Variants in DPYD observed in about 807,000 individuals in gnomAD.
DPYD encodes dihydropyrimidine dehydrogenase.
In DPYD, 109 loss-of-function variants were observed where a neutral mutation model predicts 116.2. The observed-to-expected ratio is 0.94, with a 90% confidence interval of 0.80 to 1.10. The LOEUF (loss-of-function observed/expected upper bound fraction) is 1.10, where lower values mean the gene tolerates loss of function less well. Among genes scored for constraint, DPYD ranks in the 50% least tolerant of loss-of-function variants. DPYD has a pLI of 0.00. For synonymous variants in DPYD, 440 were observed against 432.0 expected (o/e 1.02, Z -0.23); for missense variants, 1,302 against 1,254.5 (o/e 1.04, Z -0.57).
intron 3 of DPYD, among the ~76,000 whole-genome samples, chr1:97,819,815 A>G (rs1450488931): frequency 1.3e-5 from 2 of 152,056 alleles, no homozygotes; most frequent in East Asian, 3.9e-4. Flanking sequence ...AAGGCAAGGG[A>G]AGTCCAAACT....
intron 19 of DPYD, among the ~76,000 whole-genome samples, chr1:97,231,579 GC>G (rs1347619756): frequency 6.6e-6 from 1 of 152,032 alleles, no homozygotes; most frequent in Non-Finnish European, 1.5e-5. Context: ...GGAAAGACCT[GC>G]CCCCATGATT....
At chr1:97,286,704 G>C (rs1665711158) in intron 18 of DPYD, among the ~76,000 whole-genome samples, 1 of 152,044 alleles carries the variant, frequency 6.6e-6, no homozygotes, top group Admixed American at 6.5e-5. Flanking sequence ...TCTTCCAGTT[G>C]ATCGCATCGG....
intron 13 of DPYD, among the ~76,000 whole-genome samples, chr1:97,498,706 G>T (rs901094829): frequency 4.0e-5 from 6 of 151,496 alleles, no homozygotes; most frequent in Non-Finnish European, 5.9e-5. Flanking sequence ...ATACAAAGTG[G>T]TGTCATGACT....
chr1:97,503,157 A>G (rs1679691066), intron 13 of DPYD, among the ~76,000 whole-genome samples: 1 of 147,874 alleles, frequency 6.8e-6, no homozygotes, highest in South Asian at 2.1e-4. Context: ...ACTTAATAAG[A>G]TAATATTTGT....
intron 8 of DPYD, among the ~76,000 whole-genome samples, chr1:97,624,728 C>T (rs890258038): frequency 2.0e-5 from 3 of 151,878 alleles, no homozygotes; most frequent in African/African-American, 7.3e-5. Flanking sequence ...TATCTATCAA[C>T]AGATAAATGG....
chr1:97,855,061 A>G (rs545483973), intron 2 of DPYD: 4 of 152,194 alleles, frequency 2.6e-5, no homozygotes, highest in African/African-American at 9.7e-5. Context: ...GATGTGAAGG[A>G]GGTGGGAAAG....
intron 21 of DPYD, among the ~76,000 whole-genome samples, chr1:97,095,562 G>A (rs1490673406): frequency 6.6e-6 from 1 of 151,262 alleles, no homozygotes; most frequent in Non-Finnish European, 1.5e-5. Context: ...GCAAACAAAC[G>A]GCAAAAATCA....
intron 8 of DPYD, among the ~76,000 whole-genome samples, chr1:97,645,556 A>G (rs545063937): frequency 6.6e-6 from 1 of 152,058 alleles, no homozygotes; most frequent in East Asian, 1.9e-4. Flanking sequence ...CTCTGTATGC[A>G]TTTGTGTCTG....
At chr1:97,521,183 T>C (rs1255285055) in intron 12 of DPYD, among the ~76,000 whole-genome samples, 2 of 152,190 alleles carry the variant, frequency 1.3e-5, no homozygotes, top group African/African-American at 4.8e-5. Context: ...TGGCGTGAGA[T>C]GGTATCTCAT....
intron 8 of DPYD, among the ~76,000 whole-genome samples, chr1:97,616,759 T>C (rs1377961543): frequency 6.6e-6 from 1 of 152,218 alleles, no homozygotes; most frequent in Non-Finnish European, 1.5e-5. Flanking sequence ...ACAGCAATTA[T>C]AATTTTTAAT....
chr1:97,420,335 C>G (rs1016116218), intron 14 of DPYD, among the ~76,000 whole-genome samples: 4 of 152,050 alleles, frequency 2.6e-5, no homozygotes, highest in Non-Finnish European at 5.9e-5. Flanking sequence ...GAGAACACTT[C>G]GTAATTTTCT....
chr1:97,223,388 AACACAC>A (rs67855545), intron 19 of DPYD, among the ~76,000 whole-genome samples: 7 of 148,320 alleles, frequency 4.7e-5, no homozygotes, highest in East Asian at 2.0e-4. Flanking sequence ...GATAGAATTA[AACACAC>A]ACACACACAC....
At chr1:97,379,825 C>T (rs929237861) in intron 15 of DPYD, among the ~76,000 whole-genome samples, 1 of 152,182 alleles carries the variant, frequency 6.6e-6, no homozygotes, top group African/African-American at 2.4e-5. Context: ...TAGACTCATT[C>T]CTTCCACTTC....
intron 11 of DPYD, among the ~76,000 whole-genome samples, chr1:97,550,385 A>G (rs928378741): frequency 1.3e-5 from 2 of 152,150 alleles, no homozygotes; most frequent in Non-Finnish European, 2.9e-5. Flanking sequence ...ATTGCTCTGT[A>G]AAGTAGTTTT....
chr1:97,449,408 G>A (rs1676274399), intron 14 of DPYD, among the ~76,000 whole-genome samples: 1 of 151,794 alleles, frequency 6.6e-6, no homozygotes, highest in Admixed American at 6.6e-5. Flanking sequence ...AGAGGAAGAA[G>A]GAGTAGGAAA....
chr1:97,586,616 C>T (rs969293210), intron 10 of DPYD, among the ~76,000 whole-genome samples: 1 of 149,786 alleles, frequency 6.7e-6, no homozygotes, highest in African/African-American at 2.5e-5. Context: ...AATGCAACAA[C>T]CTCCTTCAGA....
chr1:97,124,465 GA>G (rs931927769), intron 20 of DPYD, among the ~76,000 whole-genome samples: 53 of 152,148 alleles, frequency 3.5e-4, no homozygotes, highest in African/African-American at 1.3e-3. Context: ...ACAGTTCAAG[GA>G]AACAAAAGGA....
Position 97,583,772 on chromosome 1 carries a change from T to A in DPYD, c.1128+9446A>T, listed in dbSNP as rs544922985. 4.6e-5 allele frequency among the ~76,000 whole-genome samples: 7 copies of A among 152,204 alleles called. No individual in the cohort carries two copies. In the East Asian group the frequency reaches 1.4e-3, roughly 29 times the overall value. The stretch of plus-strand genomic sequence containing the variant: ...TAAAAATGTGACGCAATATTTTTTT[T>A]AACAGTTTAAAATAAAATGTGTACT... On this transcript the variant is annotated intron_variant, in intron 10 of 22. Transcript: ENST00000370192.
intron 20 of DPYD, among the ~76,000 whole-genome samples, chr1:97,105,173 G>A (rs147067070): frequency 1.7e-3 from 260 of 152,194 alleles, no homozygotes; most frequent in African/African-American, 5.8e-3. Context: ...TTGGGATTTA[G>A]GAAATGTGGT....
Sources: gnomAD v4.1 joint callset for allele counts (sites outside exome capture counted in the v4.1 genomes callset) on GRCh38, gnomAD v4.1.1 for gene constraint, MANE v1.5 for transcripts, NCBI Gene and HGNC (gene_info 2026-07-23, HGNC 2026-07-21) for gene names.